ITGB1: variants seen among roughly 807,000 people sequenced by gnomAD.
ITGB1 encodes the protein integrin beta-1.
ITGB1 carries 24 observed loss-of-function variants against 86.5 expected under a neutral mutation model. The ratio of observed to expected loss-of-function variants is 0.28; its 90% CI spans 0.20 to 0.39. The LOEUF (loss-of-function observed/expected upper bound fraction) is 0.39. Among genes scored for constraint, ITGB1 ranks in the 10% least tolerant of loss-of-function variants. The pLI is 1.00. For missense variants in ITGB1, 556 were observed against 946.9 expected, an observed-to-expected ratio of 0.59 and a Z score of 5.42; for synonymous variants, 323 against 316.8, an observed-to-expected ratio of 1.02 and a Z score of -0.21.
Position 32,911,890 on chromosome 10 carries a change from A to G in ITGB1, c.1704T>C (p.Cys568=). ...FNCDRSNGLI[C]GGNGVCKCRV... is the part of the protein sequence containing the mutation. ...CACTTCAGGCCCTTTACTTACCTCC[A>G]CAAATTAAGCCATTGGATCTATCAC... The change falls in exon 12 of 16, where the codon TGT becomes TGC. Residue 568 remains cysteine, a synonymous_variant. Coordinates refer to ENST00000302278, the MANE Select transcript of ITGB1 (RefSeq NM_002211.4). 6.2e-7 allele frequency: 1 copy of G among 1,609,714 alleles called. No homozygotes were observed. The highest frequency in any genetic ancestry group is 8.5e-7 in the Non-Finnish European group (1 of 1,177,580).
intron 12 of ITGB1, 104 bp from the exon 13 acceptor site, chr10:32,911,774 C>A: frequency 7.0e-6 from 10 of 1,423,250 alleles, no homozygotes; most frequent in African/African-American, 1.4e-5. Flanking sequence ...TACCTAGGGG[C>A]GAGACTGACC....
intron 14 of ITGB1, among the ~76,000 whole-genome samples, chr10:32,908,942 C>T (rs572466174): frequency 6.6e-6 from 1 of 152,178 alleles, no homozygotes; most frequent in African/African-American, 2.4e-5. Context: ...AACCTAATAC[C>T]GTTAAGACGT....
At position 32,929,948 on chromosome 10, in the gene ITGB1, T is replaced by C. The variant is rs1156851982; in HGVS notation, c.250A>G (p.Arg84Gly). 1.3e-6 allele frequency: 2 copies of C among 1,500,218 alleles called. No individual in the cohort carries two copies. The highest frequency in any genetic ancestry group is 9.3e-7 in the Non-Finnish European group (1 of 1,075,766). 92.9% of individuals were successfully genotyped at this position (1,500,218 alleles called of 1,614,324 possible). Residue 84 changes from arginine to glycine, a missense_variant, in exon 4 of 16, where the codon AGA (arginine) becomes GGA (glycine). Transcript: ENST00000302278. ...GCPPDDIENP[R>G]GSKDIKKNKN... is the part of the protein sequence containing the mutation. ...TTTTTCTTTATATCTTTGGAGCCTC[T>C]GGGATTTTCTATGTCATCTGGAGGG...
At chr10:32,914,584 G>T (rs1182400862) in intron 11 of ITGB1, among the ~76,000 whole-genome samples, 1 of 152,128 alleles carries the variant, frequency 6.6e-6, no homozygotes, top group Admixed American at 6.5e-5. Context: ...TTACATAATG[G>T]TAAAGGGATC....
chr10:32,920,339 C>G lies in ITGB1; in HGVS notation c.1175G>C (p.Gly392Ala). 1 of 1,612,260 alleles carries G rather than the reference C, an allele frequency of 6.2e-7. No individual in the cohort carries two copies. Among genetic ancestry groups the G allele is most frequent in the Non-Finnish European group, 8.5e-7 (1 of 1,178,546 alleles). The part of the protein sequence containing the change: ...VILENGKLSE[G>A]VTISYKSYCK... Reference sequence around the variant, plus strand: ...GTAAGATTTGTAACTTATTGTTACGCCTTCTGACAATTTGCCGTTTTCCAA... The same window carrying G: ...GTAAGATTTGTAACTTATTGTTACGGCTTCTGACAATTTGCCGTTTTCCAA... Residue 392 changes from glycine to alanine, a missense_variant, in exon 10 of 16, where the codon GGC (glycine) becomes GCC (alanine). By Grantham distance (60) the Gly-to-Ala change is moderately conservative. Around this residue, in one of 4 missense-constraint regions of ITGB1, gnomAD observed 330 missense variants for 531.5 expected, o/e 0.62. Coordinates refer to ENST00000302278, the MANE Select transcript of ITGB1 (RefSeq NM_002211.4).
At chr10:32,935,359 AAG>A (rs2094997842) in intron 2 of ITGB1, 131 bp downstream of exon 2, 4 of 608,574 alleles carry the variant, frequency 6.6e-6, no homozygotes, top group Non-Finnish European at 1.2e-5. Context: ...TTCTCTGAGT[AAG>A]AGGAACAATT....
chr10:32,928,668 C>T (rs980463939), intron 4 of ITGB1, among the ~76,000 whole-genome samples: 3 of 152,082 alleles, frequency 2.0e-5, no homozygotes, highest in Admixed American at 2.0e-4. Context: ...ATGCCACTCC[C>T]TGCAAGTGAA....
intron 1 of ITGB1, among the ~76,000 whole-genome samples, chr10:32,949,437 TTATAATGTTC>T (rs1304476904): frequency 6.6e-6 from 1 of 152,224 alleles, no homozygotes; most frequent in African/African-American, 2.4e-5. Context: ...TGGAAAGGGC[TTATAATGTTC>T]TATGAGTTTA....
chr10:32,910,200 G>A, intron 14 of ITGB1, 23 bp downstream of exon 14: 1 of 1,515,650 alleles, frequency 6.6e-7, no homozygotes, highest in Non-Finnish European at 9.2e-7. Context: ...TGAAAAGAAT[G>A]TCTGCAATCA....
chr10:32,912,501 G>C (rs187826720), intron 11 of ITGB1, among the ~76,000 whole-genome samples: 2 of 152,172 alleles, frequency 1.3e-5, no homozygotes, highest in Admixed American at 1.3e-4. Flanking sequence ...TATATCCCGC[G>C]CCTGGCTCAG....
intron 11 of ITGB1, among the ~76,000 whole-genome samples, chr10:32,912,356 G>A (rs191318929): frequency 1.8e-4 from 27 of 152,302 alleles, no homozygotes; most frequent in Admixed American, 6.5e-4. Context: ...CGCCTCACCC[G>A]GGAAGCACAA....
intron 1 of ITGB1, chr10:32,955,683 T>TC (rs2095050933): frequency 6.6e-6 from 1 of 152,158 alleles, no homozygotes; most frequent in Non-Finnish European, 1.5e-5. Context: ...TGACCAGATG[T>TC]CCCCAGTGTC....
intron 1 of ITGB1, among the ~76,000 whole-genome samples, chr10:32,956,390 A>G (rs2095052108): frequency 1.3e-5 from 2 of 150,854 alleles, no homozygotes; most frequent in Admixed American, 6.7e-5. Context: ...TAGCATTAAA[A>G]CTACAATTAA....
intron 13 of ITGB1, among the ~76,000 whole-genome samples, chr10:32,910,683 CTAT>C (rs2094910494): frequency 6.6e-6 from 1 of 152,022 alleles, no homozygotes; most frequent in Non-Finnish European, 1.5e-5. Flanking sequence ...AATTAAAACC[CTAT>C]TAAGAAATAA....
intron 2 of ITGB1, 106 bp downstream of exon 2, chr10:32,935,386 A>C: frequency 1.4e-6 from 1 of 693,502 alleles, no homozygotes; most frequent in South Asian, 1.7e-5. Flanking sequence ...GGCTTCCAGA[A>C]GGAGCAGCAT....
chr10:32,911,857 C>A, intron 12 of ITGB1, 29 bp downstream of exon 12: 4 of 1,571,340 alleles, frequency 2.5e-6, no homozygotes, highest in Non-Finnish European at 3.5e-6. Flanking sequence ...GGGATCACAT[C>A]TTACAACCAC....
intron 14 of ITGB1, 29 bp from the exon 15 acceptor site, chr10:32,908,563 C>A (rs1377219118): frequency 6.3e-7 from 1 of 1,598,338 alleles, no homozygotes; most frequent in Non-Finnish European, 8.6e-7. Flanking sequence ...ATAATGAGCA[C>A]CACAAAGAGC....
At position 32,942,498 on chromosome 10, in the gene ITGB1, A is replaced by T. The variant is rs547167652; in HGVS notation, c.1-6940T>A. The stretch of plus-strand genomic sequence containing the variant: ...CCCTGATGGATTCTAGGCTCCAAGA[A>T]AATAGGGCCTGGGTGTATCTTATTT... On this transcript the variant is annotated intron_variant, in intron 1 of 15. Coordinates refer to ENST00000302278, the MANE Select transcript of ITGB1 (RefSeq NM_002211.4). Among the ~76,000 whole-genome samples, 218 of 152,226 alleles carry T rather than the reference A, an allele frequency of 1.4e-3. 1 individual carries two copies. The highest frequency in any genetic ancestry group is 5.0e-3 in the African/African-American group (207 of 41,534).
chr10:32,914,641 G>A lies in ITGB1; in HGVS notation c.1470-2517C>T, dbSNP rs184321796. ...TATCCTAAATATATATGCACCCAAT[G>A]CAGGAGCACCCAGATTCATAAAGCA... On this transcript the variant is annotated intron_variant, in intron 11 of 15. Coordinates refer to ENST00000302278, the MANE Select transcript of ITGB1 (RefSeq NM_002211.4). 1.8e-3 allele frequency among the ~76,000 whole-genome samples: 274 copies of A among 152,164 alleles called. 1 individual carries two copies. The highest frequency in any genetic ancestry group is 3.3e-3 in the Non-Finnish European group (222 of 67,966).
Sources: allele counts gnomAD v4.1 joint callset (sites outside exome capture counted in the v4.1 genomes callset), GRCh38; gene constraint gnomAD v4.1.1; regional missense constraint gnomAD v4.1.1; transcripts MANE v1.5; gene names NCBI Gene and HGNC (gene_info 2026-07-23, HGNC 2026-07-21).